TPRN: variants seen among roughly 807,000 people sequenced by gnomAD.
TPRN encodes taperin.
In TPRN, 32 loss-of-function variants were observed where a neutral mutation model predicts 42.6. The ratio of observed to expected loss-of-function variants is 0.75; its 90% CI spans 0.57 to 1.01. TPRN has a LOEUF of 1.01. Ranked by LOEUF, TPRN falls within the 50% of genes least tolerant of loss-of-function variation. TPRN has a pLI of 0.00. For synonymous variants in TPRN, 541 were observed against 445.6 expected (o/e 1.21, Z -2.70); for missense variants, 1,095 against 957.5 (o/e 1.14, Z -1.90).
At chr9:137,197,550 C>T (rs941377763) in intron 1 of TPRN, among the ~76,000 whole-genome samples, 1 of 152,314 alleles carries the variant, frequency 6.6e-6, no homozygotes, top group Middle Eastern at 3.4e-3. Flanking sequence ...GCCCCACAAG[C>T]CCCATGACCC....
In TPRN at chr9:137,199,625, G is replaced by A. The variant is rs745713981; in HGVS notation, c.1087C>T (p.Pro363Ser). 4.5e-6 allele frequency: 7 copies of A among 1,562,278 alleles called. No homozygotes were observed. The highest frequency in any genetic ancestry group is 5.2e-6 in the Non-Finnish European group (6 of 1,153,886). ...LPKGDLGPAS[P>S]SQELGSQPVP... ...GGCTGGGATCCGAGCTCCTGGCTCG[G>A]GGAGGCCGGGCCCAGGTCTCCCTTT... Residue 363 changes from proline (P) to serine (S), a missense_variant, in exon 1 of 4, where the codon CCG becomes TCG. By Grantham distance (74) the Pro-to-Ser change is moderately conservative. Transcript: ENST00000409012.
rs1302663542 is a variant in TPRN, at chr9:137,199,786, G to T, written c.926C>A (p.Thr309Asn). 1 of 1,608,220 alleles carries T rather than the reference G, an allele frequency of 6.2e-7. No homozygotes were observed. Among genetic ancestry groups the T allele is most frequent in the Non-Finnish European group, 8.5e-7 (1 of 1,178,072 alleles). The change falls in exon 1 of 4, where the codon ACC becomes AAC. Residue 309 changes from threonine to asparagine, a missense_variant. By Grantham distance (65) the Thr-to-Asn change is moderately conservative. Coordinates refer to ENST00000409012, the MANE Select transcript of TPRN (RefSeq NM_001128228.3). Reference protein sequence around the residue: ...IRPAPKPVMETIPLGDLQARA... With the variant: ...IRPAPKPVMENIPLGDLQARA... ...GGCCTGGAGGTCCCCCAAGGGGATGGTCTCCATAACTGGCTTGGGGGCCGG... is the reference window on the plus strand; with the variant it reads ...GGCCTGGAGGTCCCCCAAGGGGATGTTCTCCATAACTGGCTTGGGGGCCGG...
chr9:137,200,688 G>A lies in TPRN; in HGVS notation c.24C>T (p.Gly8=). 5 of 1,211,464 alleles carry A rather than the reference G, an allele frequency of 4.1e-6. No homozygotes were observed. Among genetic ancestry groups the A allele is most frequent in the Non-Finnish European group, 5.2e-6 (5 of 965,602 alleles). The allele number at this position is 1,211,464 out of a possible 1,614,324, so 75.0% of individuals were successfully genotyped here. A position where few individuals can be genotyped will look rare whatever the true frequency, so the allele number is the denominator to read the frequency against. The change falls in exon 1 of 4, where the codon GGC becomes GGT. Residue 8 remains glycine, a synonymous_variant. Coordinates refer to ENST00000409012, the MANE Select transcript of TPRN (RefSeq NM_001128228.3). The surrounding 1 kb of genome is among the most constrained non-coding windows in gnomAD (Gnocchi z 4.3). MAALGRP[G]SGPRAAVPAW... ...CGGGCACCGCAGCGCGCGGCCCCGA[G>A]CCCGGCCGCCCCAGGGCGGCCATGC...
At chr9:137,198,503 T>C (rs1267544122) in intron 1 of TPRN, among the ~76,000 whole-genome samples, 1 of 152,200 alleles carries the variant, frequency 6.6e-6, no homozygotes, top group Non-Finnish European at 1.5e-5. Flanking sequence ...CAAGGCTGAC[T>C]GTGATGCGAG....
In TPRN at chr9:137,199,306, G is replaced by A; in HGVS notation, c.1406C>T (p.Ala469Val). ...GTGCGGGAGGTAGGGTAGTTTGGCT[G>A]CTTGGGGGGCCTCCTCCGAGTCTAC... ...DEVDSEEAPQ[A>V]AKLPYLPHPA... The change falls in exon 1 of 4, where the codon GCA becomes GTA. Residue 469 changes from alanine to valine, a missense_variant. By Grantham distance (64) the Ala-to-Val change is moderately conservative. Coordinates refer to ENST00000409012, the MANE Select transcript of TPRN (RefSeq NM_001128228.3). 2.5e-6 allele frequency: 4 copies of A among 1,612,456 alleles called. No individual in the cohort carries two copies. Among genetic ancestry groups the A allele is most frequent in the Non-Finnish European group, 3.4e-6 (4 of 1,179,996 alleles).
chr9:137,192,135 T>G lies in TPRN; in HGVS notation c.2113A>C (p.Ser705Arg), dbSNP rs1342059517. ...ASQNDLSDFR[S>R]EPALYF ...GCTCAGAAATACAGGGCTGGCTCGC[T>G]GCGGAAGTCCGAGAGGTCATTCTGA... Residue 705 changes from serine (S) to arginine (R), a missense_variant, in exon 4 of 4, where the codon AGC becomes CGC. Coordinates refer to ENST00000409012, the MANE Select transcript of TPRN (RefSeq NM_001128228.3). The G allele has an allele frequency of 6.2e-7, 1 of 1,613,608 alleles. No homozygotes were observed. Among genetic ancestry groups the G allele is most frequent in the Admixed American group, 1.7e-5 (1 of 60,024 alleles).
At chr9:137,198,556 G>A (rs984840676) in intron 1 of TPRN, among the ~76,000 whole-genome samples, 1 of 152,254 alleles carries the variant, frequency 6.6e-6, no homozygotes, top group Non-Finnish European at 1.5e-5. Flanking sequence ...CATTCATAGC[G>A]TGGCGCCTGG....
intron 1 of TPRN, 127 bp from the exon 2 acceptor site, chr9:137,192,818 CG>C: frequency 9.7e-7 from 1 of 1,028,590 alleles, no homozygotes; most frequent in Non-Finnish European, 1.5e-6. Flanking sequence ...TCAACCGTTC[CG>C]GGGGCTCCAG....
rs1349206221 is a variant in TPRN, at chr9:137,192,599, C to T, written c.1818G>A (p.Gln606=). 2 of 1,613,540 alleles carry T rather than the reference C, an allele frequency of 1.2e-6. No individual in the cohort carries two copies. The highest frequency in any genetic ancestry group is 1.1e-5 in the South Asian group (1 of 91,060). Reference sequence around the variant, plus strand: ...CCTCCTCCTCCTCCTCCTCCTCCTCCTGCTGGTCCACCTCTTCCTCCTGCT... The same window carrying T: ...CCTCCTCCTCCTCCTCCTCCTCCTCTTGCTGGTCCACCTCTTCCTCCTGCT... ...SLEQEEEVDQ[Q]EEEEEEEEEE... is the part of the protein sequence containing the mutation. Residue 606 remains glutamine, a synonymous_variant, in exon 2 of 4, where the codon CAG becomes CAA. Coordinates refer to ENST00000409012, the MANE Select transcript of TPRN (RefSeq NM_001128228.3).
At position 137,199,645 on chromosome 9, in the gene TPRN, C is replaced by A; in HGVS notation, c.1067G>T (p.Gly356Val). Reference protein sequence around the residue: ...EGRQSVELPKGDLGPASPSQE... With the variant: ...EGRQSVELPKVDLGPASPSQE... The stretch of plus-strand genomic sequence containing the variant: ...GCTCGGGGAGGCCGGGCCCAGGTCT[C>A]CCTTTGGCAGCTCCACGGACTGCCT... Residue 356 changes from glycine (G) to valine (V), a missense_variant, in exon 1 of 4, where the codon GGA (glycine) becomes GTA (valine). Transcript: ENST00000409012. 6.4e-7 allele frequency: 1 copy of A among 1,574,700 alleles called. No homozygotes were observed. The highest frequency in any genetic ancestry group is 1.3e-5 in the African/African-American group (1 of 74,156).
rs376810326 is a variant in TPRN, at chr9:137,192,572, T to TTCCTCC, written c.1839_1844dup (p.Glu620_Glu621dup). ...CGGATCCCTCTTCCTCCTCTTCCTC[T>TTCCTCC]TCCTCCTCCTCCTCCTCCTCCTCCT... is the stretch of plus-strand genomic sequence containing the variant. On this transcript the variant is annotated inframe_insertion, in exon 2 of 4. Transcript: ENST00000409012. 196 of 1,608,426 alleles carry TTCCTCC rather than the reference T, an allele frequency of 1.2e-4. No individual in the cohort carries two copies. The highest frequency in any genetic ancestry group is 8.3e-4 in the Middle Eastern group (5 of 6,046).
rs770689719 is a variant in TPRN at position 137,192,508 on chromosome 9, C to T, written c.1909G>A (p.Ala637Thr). Residue 637 changes from alanine to threonine, a missense_variant, in exon 2 of 4, where the codon GCC becomes ACC. Physicochemically the swap from Ala to Thr is moderately conservative, Grantham distance 58. Coordinates refer to ENST00000409012, the MANE Select transcript of TPRN (RefSeq NM_001128228.3). ...GGTCTCACGCTGCTCACAAACGTGG[C>T]CCGGGGCAGGAAGAGTGCAAAGGGC... ...EKPFALFLPRATFVSSVRPES... is the reference protein window; with the variant it reads ...EKPFALFLPRTTFVSSVRPES... 1.9e-6 allele frequency: 3 copies of T among 1,606,060 alleles called. No homozygotes were observed. Among genetic ancestry groups the T allele is most frequent in the African/African-American group, 1.3e-5 (1 of 74,820 alleles).
At position 137,192,194 on chromosome 9, in the gene TPRN, ATG is replaced by A; in HGVS notation, c.2074-22_2074-21del. The A allele has an allele frequency of 6.2e-7, 1 of 1,613,458 alleles. No homozygotes were observed. The highest frequency in any genetic ancestry group is 8.5e-7 in the Non-Finnish European group (1 of 1,179,994). ...TGTGAGCTGAAAGTGAGAGGACAGAATGTGGACACATGGGCTCGCCCGGGTGT... is the reference window on the plus strand; with the variant it reads ...TGTGAGCTGAAAGTGAGAGGACAGAATGGACACATGGGCTCGCCCGGGTGT... On this transcript the variant is annotated intron_variant, in intron 3 of 3. Transcript: ENST00000409012.
Position 137,199,384 on chromosome 9 carries a change from T to C in TPRN, c.1328A>G (p.Lys443Arg). Residue 443 changes from lysine (K) to arginine (R), a missense_variant, in exon 1 of 4, where the codon AAG becomes AGG. By Grantham distance (26) the Lys-to-Arg change is conservative. Transcript: ENST00000409012. The stretch of plus-strand genomic sequence containing the variant: ...CGGCCTCACATATTCCCGGCTATTC[T>C]TGGCCAAGCCAGGAACCCTGAGGCC... ...AEGLRVPGLA[K>R]NSREYVRPGL... The C allele has an allele frequency of 6.2e-7, 1 of 1,612,782 alleles. No homozygotes were observed. Among genetic ancestry groups the C allele is most frequent in the Middle Eastern group, 1.6e-4 (1 of 6,062 alleles).
Position 137,200,156 on chromosome 9 carries a change from C to G in TPRN, c.556G>C (p.Gly186Arg). 1 of 1,204,870 alleles carries G rather than the reference C, an allele frequency of 8.3e-7. No individual in the cohort carries two copies. The highest frequency in any genetic ancestry group is 1.0e-6 in the Non-Finnish European group (1 of 972,580). The allele number at this position is 1,204,870 out of a possible 1,614,324, so 74.6% of individuals were successfully genotyped here. A position where few individuals can be genotyped will look rare whatever the true frequency, so the allele number is the denominator to read the frequency against. The change falls in exon 1 of 4, where the codon GGG (glycine) becomes CGG (arginine). Residue 186 changes from glycine (G) to arginine (R), a missense_variant. Coordinates refer to ENST00000409012, the MANE Select transcript of TPRN (RefSeq NM_001128228.3). The surrounding 1 kb of genome is among the most constrained non-coding windows in gnomAD (Gnocchi z 4.3). Reference sequence around the variant, plus strand: ...CTGCGCCGGGCCCCGGGGCTCGCCCCGCCACCGCGGGGCCCGGGCGCGGCG... The same window carrying G: ...CTGCGCCGGGCCCCGGGGCTCGCCCGGCCACCGCGGGGCCCGGGCGCGGCG... Reference protein sequence around the residue: ...PPAAPGPRGGGASPGARRSDF... With the variant: ...PPAAPGPRGGRASPGARRSDF...
In TPRN at chr9:137,199,324, G is replaced by GA; in HGVS notation, c.1387dup (p.Ser463PhefsTer73). 6.2e-7 allele frequency: 1 copy of GA among 1,612,592 alleles called. No homozygotes were observed. The highest frequency in any genetic ancestry group is 1.1e-5 in the South Asian group (1 of 91,086). On this transcript the variant is annotated frameshift_variant, in exon 1 of 4. Transcript: ENST00000409012. LOFTEE classifies it high-confidence loss of function. ...TTTGGCTGCTTGGGGGGCCTCCTCC[G>GA]AGTCTACCTCATCGATGAAGGTGAC...
chr9:137,200,105 T>A lies in TPRN; in HGVS notation c.607A>T (p.Asn203Tyr). Residue 203 changes from asparagine (N) to tyrosine (Y), a missense_variant, in exon 1 of 4, where the codon AAC becomes TAC. Coordinates refer to ENST00000409012, the MANE Select transcript of TPRN (RefSeq NM_001128228.3). The surrounding 1 kb of genome is among the most constrained non-coding windows in gnomAD (Gnocchi z 4.3). Reference protein sequence around the residue: ...RSDFLQKTGSNSFTVHPRGLH... With the variant: ...RSDFLQKTGSYSFTVHPRGLH... ...CCCCGGGGGTGGACGGTGAAGGAGT[T>A]GCTGCCGGTCTTCTGGAGGAAGTCG... 7.7e-7 allele frequency: 1 copy of A among 1,304,008 alleles called. No individual in the cohort carries two copies. The allele number at this position is 1,304,008 out of a possible 1,614,324, so 80.8% of individuals were successfully genotyped here.
At position 137,200,488 on chromosome 9, in the gene TPRN, G is replaced by C; in HGVS notation, c.224C>G (p.Ala75Gly). ...EAERRRGGGA[A>G]GARLLERYRR... is the part of the protein sequence containing the mutation. ...GTACCGCTCCAGCAGCCGCGCCCCCGCCGCGCCCCCGCCGCGCCGCCGCTC... is the reference window on the plus strand; with the variant it reads ...GTACCGCTCCAGCAGCCGCGCCCCCCCCGCGCCCCCGCCGCGCCGCCGCTC... The change falls in exon 1 of 4, where the codon GCG (alanine) becomes GGG (glycine). Residue 75 changes from alanine to glycine, a missense_variant. Physicochemically the swap from Ala to Gly is moderately conservative, Grantham distance 60. Coordinates refer to ENST00000409012, the MANE Select transcript of TPRN (RefSeq NM_001128228.3). The surrounding 1 kb of genome is among the most constrained non-coding windows in gnomAD (Gnocchi z 4.3). 1 of 1,133,048 alleles carries C rather than the reference G, an allele frequency of 8.8e-7. No homozygotes were observed. The highest frequency in any genetic ancestry group is 1.1e-6 in the Non-Finnish European group (1 of 924,696). The allele number at this position is 1,133,048 out of a possible 1,614,324, so 70.2% of individuals were successfully genotyped here. A position where few individuals can be genotyped will look rare whatever the true frequency, so the allele number is the denominator to read the frequency against.
intron 1 of TPRN, chr9:137,193,433 C>T (rs1028361179): frequency 1.3e-5 from 2 of 152,696 alleles, no homozygotes; most frequent in African/African-American, 4.8e-5. Context: ...CCTCCATCCC[C>T]ACTTCGTAGG....
Sources: allele counts gnomAD v4.1 joint callset (sites outside exome capture counted in the v4.1 genomes callset), GRCh38; gene constraint gnomAD v4.1.1; non-coding constraint Gnocchi (gnomAD v3.1); transcripts MANE v1.5; gene names NCBI Gene and HGNC (gene_info 2026-07-23, HGNC 2026-07-21).